Variants in PLCZ1 observed in about 807,000 individuals in gnomAD.
PLCZ1 encodes 1-phosphatidylinositol 4,5-bisphosphate phosphodiesterase zeta-1.
In PLCZ1, 64 loss-of-function variants were observed where a neutral mutation model predicts 76.8. The observed-to-expected ratio is 0.83, with a 90% confidence interval of 0.68 to 1.03. The LOEUF (loss-of-function observed/expected upper bound fraction) is 1.03, where lower values mean the gene tolerates loss of function less well. Among genes scored for constraint, PLCZ1 ranks in the 50% least tolerant of loss-of-function variants. The probability of loss-of-function intolerance (pLI) is 0.00; values close to 1 mark genes in which losing one functional copy is unlikely to be tolerated. For synonymous variants in PLCZ1, 248 were observed against 230.8 expected (o/e 1.07, Z -0.68); for missense variants, 751 against 713.7 (o/e 1.05, Z -0.60).
rs779304192 is a variant in PLCZ1 at position 18,737,484 on chromosome 12, G to T, written c.-113C>A. ...GCCCCTTTGCAGAAAATAATTTCTT[G>T]ATACTCATCAGCTGTTACCACTTTT... On this transcript the variant is annotated 5_prime_UTR_variant, in exon 2 of 15. Coordinates refer to ENST00000266505, the MANE Select transcript of PLCZ1 (RefSeq NM_033123.4). The T allele has an allele frequency of 9.1e-6, 13 of 1,435,652 alleles. No homozygotes were observed. The African/African-American group carries it at 1.6e-4, about 17-fold the overall frequency. The allele number at this position is 1,435,652 out of a possible 1,614,324, so 88.9% of individuals were successfully genotyped here. A position where few individuals can be genotyped will look rare whatever the true frequency, so the allele number is the denominator to read the frequency against.
chr12:18,659,551 C>G, the PLCZ1 span, among the ~76,000 whole-genome samples: 7 of 151,840 alleles, frequency 4.6e-5, no homozygotes, highest in Admixed American at 6.6e-5. Flanking sequence ...CAAGTTTTAT[C>G]AATTGTCTCA....
At chr12:18,653,814 T>G in the PLCZ1 span, among the ~76,000 whole-genome samples, 1 of 152,222 alleles carries the variant, frequency 6.6e-6, no homozygotes, top group African/African-American at 2.4e-5. Flanking sequence ...TAAAATAAAA[T>G]ATAGGAACTC....
the PLCZ1 span, among the ~76,000 whole-genome samples, chr12:18,676,375 C>G: frequency 6.6e-6 from 1 of 152,036 alleles, no homozygotes; most frequent in African/African-American, 2.4e-5. Flanking sequence ...GTCCCATAGT[C>G]AGCTTTTTTG....
At chr12:18,659,200 C>G in the PLCZ1 span, among the ~76,000 whole-genome samples, 1 of 152,148 alleles carries the variant, frequency 6.6e-6, no homozygotes, top group Non-Finnish European at 1.5e-5. Context: ...TACTCAAAAA[C>G]TAGCCAACTT....
downstream of PLCZ1, among the ~76,000 whole-genome samples, chr12:18,679,291 A>G (rs561460501): frequency 6.6e-6 from 1 of 151,994 alleles, no homozygotes; most frequent in African/African-American, 2.4e-5. Context: ...AGTTCTTTTT[A>G]AAAAAATTTT....
rs1380833846 is a variant in PLCZ1, at chr12:18,701,775, G to A, written c.866C>T (p.Ala289Val). 14 of 1,597,524 alleles carry A rather than the reference G, an allele frequency of 8.8e-6. No homozygotes were observed. The highest frequency in any genetic ancestry group is 1.2e-5 in the Non-Finnish European group (14 of 1,171,972). Residue 289 changes from alanine to valine, a missense_variant and splice_region_variant, in exon 8 of 15, where the codon GCA becomes GTA. Coordinates refer to ENST00000266505, the MANE Select transcript of PLCZ1 (RefSeq NM_033123.4). The part of the protein sequence containing the change: ...DFPDTLPSPE[A>V]LKFKILVKNK... ...TTTAACTAATATTTTGAATTTTAGTGCCTAAGGAAACAATTTGAGAGATAC... is the reference window on the plus strand; with the variant it reads ...TTTAACTAATATTTTGAATTTTAGTACCTAAGGAAACAATTTGAGAGATAC...
intron 3 of PLCZ1, 43 bp from the exon 4 acceptor site, chr12:18,723,585 A>C (rs761717510): frequency 1.2e-5 from 16 of 1,389,020 alleles, no homozygotes; most frequent in Non-Finnish European, 1.5e-5. Flanking sequence ...TGAGTATAAA[A>C]AATACATAAA....
intron 12 of PLCZ1, among the ~76,000 whole-genome samples, chr12:18,692,222 A>G (rs1954203939): frequency 6.6e-6 from 1 of 152,126 alleles, no homozygotes; most frequent in Non-Finnish European, 1.5e-5. Context: ...TCCAGGTAGG[A>G]TCTGAGATGG....
At chr12:18,706,022 T>C (rs963747920) in intron 6 of PLCZ1, among the ~76,000 whole-genome samples, 7 of 151,226 alleles carry the variant, frequency 4.6e-5, no homozygotes, top group Admixed American at 3.3e-4. Context: ...GGGTCAGGAG[T>C]TCGAGACCAG....
the PLCZ1 span, among the ~76,000 whole-genome samples, chr12:18,677,499 G>A: frequency 6.6e-6 from 1 of 152,066 alleles, no homozygotes; most frequent in African/African-American, 2.4e-5. Flanking sequence ...TCCAGTTCAG[G>A]AGGTCTAGGG....
chr12:18,707,653 T>C (rs532771467), intron 6 of PLCZ1, among the ~76,000 whole-genome samples: 1 of 152,292 alleles, frequency 6.6e-6, no homozygotes, highest in East Asian at 1.9e-4. Context: ...AGTAAACTCA[T>C]GCAACTAGAC....
chr12:18,723,156 A>G (rs1397760952), intron 4 of PLCZ1, among the ~76,000 whole-genome samples, 155 bp downstream of exon 4: 1 of 152,090 alleles, frequency 6.6e-6, no homozygotes, highest in African/African-American at 2.4e-5. Flanking sequence ...TATCAATTCT[A>G]TAAAATATAT....
At chr12:18,683,596 T>C in intron 14 of PLCZ1, 1 of 1,441,702 alleles carries the variant, frequency 6.9e-7, no homozygotes, top group Non-Finnish European at 9.2e-7. Flanking sequence ...ACCCTTCTGC[T>C]TCAGGAAGAC....
At chr12:18,732,341 C>T (rs749986078) in intron 3 of PLCZ1, among the ~76,000 whole-genome samples, 10 of 152,154 alleles carry the variant, frequency 6.6e-5, no homozygotes, top group African/African-American at 1.4e-4. Flanking sequence ...TTTGTAGACA[C>T]GAGTTTCACC....
intron 2 of PLCZ1, chr12:18,736,763 A>G: frequency 9.7e-7 from 1 of 1,029,218 alleles, no homozygotes; most frequent in South Asian, 1.3e-5. Context: ...AGGAAAGTGG[A>G]AGCATTAGAT....
At chr12:18,680,100 T>C (rs563423507), downstream of PLCZ1, among the ~76,000 whole-genome samples, 8 of 152,138 alleles carry the variant, frequency 5.3e-5, no homozygotes, top group Non-Finnish European at 8.8e-5. Context: ...AGTAATGTAA[T>C]TAAACAGATG....
At chr12:18,661,910 C>A in the PLCZ1 span, among the ~76,000 whole-genome samples, 1 of 151,974 alleles carries the variant, frequency 6.6e-6, no homozygotes, top group East Asian at 1.9e-4. Flanking sequence ...ATGAAGTACA[C>A]ATACACCATG....
At chr12:18,647,917 A>T in the PLCZ1 span, 1 of 1,596,404 alleles carries the variant, frequency 6.3e-7, no homozygotes, top group South Asian at 1.1e-5. Context: ...GACATGTCTT[A>T]ATGCTTATTG....
intron 12 of PLCZ1, chr12:18,692,667 T>A (rs1954302563): frequency 1.5e-6 from 1 of 658,046 alleles, no homozygotes; most frequent in Admixed American, 2.9e-5. Context: ...AAAAAATCAT[T>A]TCTACATTGA....
Sources: gnomAD v4.1 joint callset for allele counts (sites outside exome capture counted in the v4.1 genomes callset) on GRCh38, gnomAD v4.1.1 for gene constraint, MANE v1.5 for transcripts, NCBI Gene and HGNC (gene_info 2026-07-23, HGNC 2026-07-21) for gene names.